Variants in EIF3H observed in about 807,000 individuals in gnomAD.
The protein encoded by EIF3H is eukaryotic translation initiation factor 3 subunit H.
Under a neutral mutation model 44.2 loss-of-function variants are expected in EIF3H, and 26 were observed. That is an observed-to-expected ratio of 0.59 (90% confidence interval 0.43 to 0.82). The LOEUF is 0.82. EIF3H is among the 40% of genes least tolerant of loss of function. The pLI is 0.00. For missense variants in EIF3H, 359 were observed against 432.8 expected, an observed-to-expected ratio of 0.83 and a Z score of 1.51; for synonymous variants, 166 against 151.9, an observed-to-expected ratio of 1.09 and a Z score of -0.68.
At chr8:116,679,535 T>G (rs1586451177) in intron 2 of EIF3H, among the ~76,000 whole-genome samples, 1 of 8,820 alleles carries the variant, frequency 1.1e-4, no homozygotes, top group Non-Finnish European at 3.6e-4. Context: ...GGGAGGGAGG[T>G]GGGGGGGTCA....
intron 2 of EIF3H, among the ~76,000 whole-genome samples, chr8:116,725,047 T>C (rs1814812014): frequency 6.6e-6 from 1 of 152,238 alleles, no homozygotes; most frequent in African/African-American, 2.4e-5. Flanking sequence ...CATCGCCAGA[T>C]GGCTGGATAA....
chr8:116,743,837 C>T (rs866156512), intron 1 of EIF3H, among the ~76,000 whole-genome samples: 71 of 115,576 alleles, frequency 6.1e-4, no homozygotes, highest in South Asian at 1.1e-3. Flanking sequence ...CACACACACA[C>T]ATATATAAAT....
chr8:116,746,427 T>C (rs541223345), intron 1 of EIF3H, among the ~76,000 whole-genome samples: 2 of 152,328 alleles, frequency 1.3e-5, no homozygotes, highest in Non-Finnish European at 2.9e-5. Flanking sequence ...ATTGCTTCAA[T>C]GCCATAATAA....
intron 2 of EIF3H, among the ~76,000 whole-genome samples, chr8:116,696,024 T>C (rs761270266): frequency 1.7e-4 from 26 of 152,348 alleles, no homozygotes; most frequent in Admixed American, 6.5e-4. Context: ...TGTGTGTTAT[T>C]TGTATATTCA....
In EIF3H at chr8:116,648,897, A is replaced by G. The variant is rs754915112; in HGVS notation, c.737T>C (p.Leu246Pro). ...SNHLGKNLQL[L>P]MDRVDEMSQD... is the part of the protein sequence containing the mutation. The stretch of plus-strand genomic sequence containing the variant: ...GCTCATTTCATCCACTCTGTCCATC[A>G]GCAACTGTAGATTCTTCCCCAAATG... Residue 246 changes from leucine to proline, a missense_variant, in exon 6 of 8, where the codon CTG becomes CCG. Coordinates refer to ENST00000521861, the MANE Select transcript of EIF3H (RefSeq NM_003756.3). The G allele has an allele frequency of 1.9e-6, 3 of 1,611,972 alleles. No individual in the cohort carries two copies. In the South Asian group the frequency reaches 3.3e-5, roughly 18 times the overall value.
chr8:116,685,465 C>T lies in EIF3H; in HGVS notation c.290-26485G>A, dbSNP rs555033837. On this transcript the variant is annotated intron_variant, in intron 2 of 7. Coordinates refer to ENST00000521861, the MANE Select transcript of EIF3H (RefSeq NM_003756.3). ...AATAAGTATACTTCGGTTCAGAACA[C>T]GTAGCTGTTCAATAGACTGCTTCTC... is the stretch of plus-strand genomic sequence containing the variant. Among the ~76,000 whole-genome samples, 5 of 152,292 alleles carry T rather than the reference C, an allele frequency of 3.3e-5. 1 individual carries two copies. In the South Asian group the frequency reaches 8.3e-4, roughly 25 times the overall value.
At chr8:116,736,782 AT>A (rs1815049185) in intron 1 of EIF3H, among the ~76,000 whole-genome samples, 1 of 152,188 alleles carries the variant, frequency 6.6e-6, no homozygotes. Context: ...TTTACTCTCA[AT>A]TTCAGAGTTC....
At chr8:116,740,665 T>C (rs1179650800) in intron 1 of EIF3H, among the ~76,000 whole-genome samples, 2 of 152,056 alleles carry the variant, frequency 1.3e-5, no homozygotes, top group Non-Finnish European at 2.9e-5. Context: ...TTTATTTCTT[T>C]GCAAAAATGT....
At chr8:116,738,625 T>C (rs1193563065) in intron 1 of EIF3H, among the ~76,000 whole-genome samples, 1 of 152,158 alleles carries the variant, frequency 6.6e-6, no homozygotes, top group East Asian at 1.9e-4. Flanking sequence ...CAATAAACCT[T>C]CACCAGGAAA....
intron 1 of EIF3H, among the ~76,000 whole-genome samples, chr8:116,754,137 G>A (rs1392554891): frequency 2.0e-5 from 3 of 150,660 alleles, no homozygotes; most frequent in Non-Finnish European, 3.0e-5. Flanking sequence ...TTTTTTGGAC[G>A]GAGGCTCGCT....
At chr8:116,710,767 T>G (rs901307624) in intron 2 of EIF3H, among the ~76,000 whole-genome samples, 10 of 152,224 alleles carry the variant, frequency 6.6e-5, no homozygotes, top group Non-Finnish European at 1.0e-4. Flanking sequence ...GTTTTCTGGT[T>G]CTGCATTTGC....
intron 1 of EIF3H, among the ~76,000 whole-genome samples, chr8:116,746,410 T>C (rs969235467): frequency 6.6e-6 from 1 of 152,092 alleles, no homozygotes; most frequent in Non-Finnish European, 1.5e-5. Flanking sequence ...TATCAAAGAG[T>C]TGTTGTATTG....
chr8:116,695,482 C>A (rs1466828200), intron 2 of EIF3H, among the ~76,000 whole-genome samples: 3 of 152,066 alleles, frequency 2.0e-5, no homozygotes, highest in African/African-American at 7.2e-5. Context: ...GTGTTGCAGC[C>A]CAACCAGGTA....
intron 2 of EIF3H, chr8:116,697,266 G>C (rs1178913889): frequency 2.2e-6 from 1 of 444,788 alleles, no homozygotes; most frequent in South Asian, 1.6e-5. Flanking sequence ...AACAAAAAAA[G>C]AATAGATTTT....
chr8:116,700,569 T>C (rs1814357888), intron 2 of EIF3H, among the ~76,000 whole-genome samples: 1 of 152,154 alleles, frequency 6.6e-6, no homozygotes, highest in South Asian at 2.1e-4. Flanking sequence ...TCCTCTCTAC[T>C]TTTTACCAAC....
intron 1 of EIF3H, among the ~76,000 whole-genome samples, chr8:116,751,494 G>A (rs901369077): frequency 3.3e-5 from 5 of 152,178 alleles, no homozygotes; most frequent in Non-Finnish European, 7.3e-5. Context: ...GTTACAGGCT[G>A]TGGAAAATTC....
intron 2 of EIF3H, among the ~76,000 whole-genome samples, chr8:116,659,340 G>A (rs1168047433): frequency 1.3e-5 from 2 of 152,120 alleles, no homozygotes; most frequent in African/African-American, 4.8e-5. Context: ...AAATTGGTTG[G>A]TTGTAAGAAG....
chr8:116,660,395 T>A (rs1162364386), intron 2 of EIF3H, among the ~76,000 whole-genome samples: 1 of 152,234 alleles, frequency 6.6e-6, no homozygotes, highest in East Asian at 1.9e-4. Flanking sequence ...GTTCCTCAGA[T>A]GGACACAGTC....
intron 2 of EIF3H, among the ~76,000 whole-genome samples, chr8:116,699,596 T>TTGGGTAC (rs1486293126): frequency 3.9e-5 from 6 of 152,210 alleles, no homozygotes; most frequent in Non-Finnish European, 8.8e-5. Flanking sequence ...CATTGGGTAC[T>TTGGGTAC]ATGCCAGCTA....
Sources: gnomAD v4.1 joint callset for allele counts (sites outside exome capture counted in the v4.1 genomes callset) on GRCh38, gnomAD v4.1.1 for gene constraint, MANE v1.5 for transcripts, NCBI Gene and HGNC (gene_info 2026-07-23, HGNC 2026-07-21) for gene names.